The following RELA variants were observed in gnomAD, a reference collection of about 807,000 sequenced individuals.
RELA encodes transcription factor p65.
Under a neutral mutation model 56.7 loss-of-function variants are expected in RELA, and 14 were observed. That is an observed-to-expected ratio of 0.25 (90% CI 0.16 to 0.39). RELA has a LOEUF of 0.39. RELA is among the 10% of genes least tolerant of loss of function. The pLI, the probability that RELA is intolerant of heterozygous loss-of-function variation, is 1.00. For synonymous variants in RELA, 315 were observed against 289.7 expected (o/e 1.09, Z -0.89); for missense variants, 559 against 736.4 (o/e 0.76, Z 2.79).
chr11:65,661,179 C>T (rs1428902834), intron 4 of RELA, among the ~76,000 whole-genome samples: 1 of 152,166 alleles, frequency 6.6e-6, no homozygotes, highest in Non-Finnish European at 1.5e-5. Context: ...AGGCGCATGC[C>T]ACCATACCCA....
intron 10 of RELA, 126 bp downstream of exon 10, chr11:65,655,562 G>A (rs771369177): frequency 1.1e-6 from 1 of 929,822 alleles, no homozygotes; most frequent in South Asian, 1.4e-5. Context: ...GCTGGTTCCT[G>A]CGCCATCCTT....
rs1235283948 is a variant in RELA at position 65,654,968 on chromosome 11, T to C, written c.1066A>G (p.Ser356Gly). The change falls in exon 11 of 11, where the codon AGC becomes GGC. Residue 356 changes from serine (S) to glycine (G), a missense_variant. Transcript: ENST00000406246. ...GGAAACTCATCATAGTTGATGGTGC[T>C]CAGGGATGACGTAAAGGGATAGGGC... Reference protein sequence around the residue: ...PQPYPFTSSLSTINYDEFPTM... With the variant: ...PQPYPFTSSLGTINYDEFPTM... The C allele has an allele frequency of 1.2e-6, 2 of 1,604,598 alleles. No individual in the cohort carries two copies. The highest frequency in any genetic ancestry group is 1.7e-6 in the Non-Finnish European group (2 of 1,176,284).
At position 65,654,377 on chromosome 11, in the gene RELA, C is replaced by A; in HGVS notation, c.*1G>T. On this transcript the variant is annotated 3_prime_UTR_variant, in exon 11 of 11. Transcript: ENST00000406246. ...CTCTGGGGAGGGCAGGCGTCACCCC[C>A]TTAGGAGCTGATCTGACTCAGCAGG... 1 of 1,613,662 alleles carries A rather than the reference C, an allele frequency of 6.2e-7. No homozygotes were observed. The highest frequency in any genetic ancestry group is 8.5e-7 in the Non-Finnish European group (1 of 1,179,866).
chr11:65,654,365 AGGC>A lies in RELA; in HGVS notation c.*10_*12del, dbSNP rs760780648. The A allele has an allele frequency of 5.6e-6, 9 of 1,613,702 alleles. No homozygotes were observed. In the African/African-American group the frequency reaches 1.2e-4, roughly 22 times the overall value. Reference sequence around the variant, plus strand: ...TGCAACCCAGTGCTCTGGGGAGGGCAGGCGTCACCCCCTTAGGAGCTGATCTGA... The same window carrying A: ...TGCAACCCAGTGCTCTGGGGAGGGCAGTCACCCCCTTAGGAGCTGATCTGA... On this transcript the variant is annotated 3_prime_UTR_variant, in exon 11 of 11. Coordinates refer to ENST00000406246, the MANE Select transcript of RELA (RefSeq NM_021975.4).
chr11:65,658,419 C>T lies in RELA; in HGVS notation c.745G>A (p.Ala249Thr). ...TAGGGAGGGGTCCGGAACACAATGG[C>T]CACTTGTCGGTGCACATCAGCTTGC... ...FSQADVHRQVAIVFRTPPYAD... is the reference protein window; with the variant it reads ...FSQADVHRQVTIVFRTPPYAD... The change falls in exon 8 of 11, where the codon GCC becomes ACC. Residue 249 changes from alanine to threonine, a missense_variant. Transcript: ENST00000406246. This position sits in a 1 kb window ranked among gnomAD's most constrained non-coding sequence, Gnocchi z 4.5. 1 of 1,613,914 alleles carries T rather than the reference C, an allele frequency of 6.2e-7. No individual in the cohort carries two copies. The highest frequency in any genetic ancestry group is 8.5e-7 in the Non-Finnish European group (1 of 1,179,884).
Position 65,654,227 on chromosome 11 carries a change from A to G in RELA, c.*151T>C. ...AAGAGAGAGAGATACAGATACTGAC[A>G]ATAAAAGAATAAAATATGGCTCCCC... On this transcript the variant is annotated 3_prime_UTR_variant, in exon 11 of 11. Coordinates refer to ENST00000406246, the MANE Select transcript of RELA (RefSeq NM_021975.4). 3.3e-6 allele frequency: 3 copies of G among 914,502 alleles called. No individual in the cohort carries two copies. The highest frequency in any genetic ancestry group is 1.4e-5 in the South Asian group (1 of 71,250). 56.6% of individuals were successfully genotyped at this position (914,502 alleles called of 1,614,324 possible).
At chr11:65,655,146 C>T (rs1856390618) in intron 10 of RELA, 146 bp from the exon 11 acceptor site, 1 of 683,546 alleles carries the variant, frequency 1.5e-6, no homozygotes, top group South Asian at 1.8e-5. Context: ...TCCTCTTACC[C>T]CATCTGACCC....
intron 6 of RELA, 61 bp downstream of exon 6, chr11:65,659,605 A>G (rs1273717639): frequency 8.1e-6 from 13 of 1,603,776 alleles, no homozygotes; most frequent in Non-Finnish European, 1.1e-5. Context: ...CACTCACCCC[A>G]ACCCCCTTCC....
chr11:65,660,515 G>T, intron 4 of RELA: 1 of 421,828 alleles, frequency 2.4e-6, no homozygotes, highest in Non-Finnish European at 4.3e-6. Flanking sequence ...CACTTGTTTG[G>T]TCGGCTTGGA....
chr11:65,654,255 T>A lies in RELA; in HGVS notation c.*123A>T. 3.3e-6 allele frequency: 4 copies of A among 1,214,984 alleles called. No homozygotes were observed. The South Asian group carries it at 3.8e-5, about 11-fold the overall frequency. The allele number at this position is 1,214,984 out of a possible 1,614,324, so 75.3% of individuals were successfully genotyped here. A position where few individuals can be genotyped will look rare whatever the true frequency, so the allele number is the denominator to read the frequency against. ...AAAAGAATAAAATATGGCTCCCCCC[T>A]CCAAGGAAGACATCCACAAAGTTGG... On this transcript the variant is annotated 3_prime_UTR_variant, in exon 11 of 11. Transcript: ENST00000406246.
intron 1 of RELA, 199 bp from the exon 2 acceptor site, chr11:65,662,404 A>C (rs1469808524): frequency 1.7e-6 from 1 of 596,942 alleles, no homozygotes; most frequent in African/African-American, 1.9e-5. Context: ...AAACGGGGTA[A>C]GGAATCCTTC....
Position 65,655,765 on chromosome 11 carries a change from G to A in RELA, c.959-3C>T, listed in dbSNP as rs12721571. 1.3e-4 allele frequency: 206 copies of A among 1,613,846 alleles called. 1 individual carries two copies. Among genetic ancestry groups the A allele is most frequent in the Middle Eastern group, 1.2e-3 (7 of 6,084 alleles). ...TGGAGGCCGGGGGTCGGTGGGTCCT[G>A]TAGGGCAAGGGCTAGGTCAGTTCTC... On this transcript the variant is annotated splice_polypyrimidine_tract_variant and splice_region_variant and intron_variant, in intron 9 of 10. Transcript: ENST00000406246.
Position 65,660,166 on chromosome 11 carries a change from C to G in RELA, c.385G>C (p.Ala129Pro). 6.2e-7 allele frequency: 1 copy of G among 1,614,132 alleles called. No individual in the cohort carries two copies. Among genetic ancestry groups the G allele is most frequent in the Non-Finnish European group, 8.5e-7 (1 of 1,180,026 alleles). Residue 129 changes from alanine to proline, a missense_variant, in exon 5 of 11, where the codon GCT (alanine) becomes CCT (proline). Coordinates refer to ENST00000406246, the MANE Select transcript of RELA (RefSeq NM_021975.4). The part of the protein sequence containing the change: ...QCVKKRDLEQ[A>P]ISQRIQTNNN... ...TTGGTCTGGATGCGCTGACTGATAG[C>G]CTGCTCCAGGTCCCGCTTCTTCACA...
upstream of RELA, chr11:65,663,058 GGTCGGGGCCAA>G: frequency 3.7e-6 from 1 of 270,566 alleles, no homozygotes; most frequent in Non-Finnish European, 6.8e-6. Context: ...CGCTGCCGGG[GGTCGGGGCCAA>G]GTGCGCGCCT....
At chr11:65,659,386 T>C (rs559524761) in intron 6 of RELA, among the ~76,000 whole-genome samples, 2 of 152,316 alleles carry the variant, frequency 1.3e-5, no homozygotes, top group Admixed American at 1.3e-4. Context: ...ATCGCAGTTG[T>C]GGGCACACCA....
In RELA at chr11:65,654,690, T is replaced by A. The variant is rs1856372400; in HGVS notation, c.1344A>T (p.Glu448Asp). The A allele has an allele frequency of 6.5e-7, 1 of 1,545,638 alleles. No homozygotes were observed. ...TGTTGCCAAGCAAGGCCCCCAGGTCTTCATCATCAAACTGCAGCTGCAGCA... is the reference window on the plus strand; with the variant it reads ...TGTTGCCAAGCAAGGCCCCCAGGTCATCATCATCAAACTGCAGCTGCAGCA... ...EALLQLQFDD[E>D]DLGALLGNST... The change falls in exon 11 of 11, where the codon GAA becomes GAT. Residue 448 changes from glutamate to aspartate, a missense_variant. Around this residue, in one of 4 missense-constraint regions of RELA, gnomAD observed 365 missense variants for 387.5 expected, o/e 0.94. Coordinates refer to ENST00000406246, the MANE Select transcript of RELA (RefSeq NM_021975.4).
At chr11:65,660,256 G>T (rs372517252) in intron 4 of RELA, 41 bp from the exon 5 acceptor site, 11 of 1,589,860 alleles carry the variant, frequency 6.9e-6, no homozygotes, top group East Asian at 4.5e-5. Flanking sequence ...CTCTCACAGA[G>T]CCCAGACCTT....
rs1281587768 is a variant in RELA at position 65,658,159 on chromosome 11, C to T, written c.877+128G>A. The T allele has an allele frequency of 3.1e-6, 2 of 647,440 alleles. No individual in the cohort carries two copies. Among genetic ancestry groups the T allele is most frequent in the Non-Finnish European group, 5.3e-6 (2 of 377,800 alleles). 40.1% of individuals were successfully genotyped at this position (647,440 alleles called of 1,614,324 possible). ...ATTAAATGAGGCAAGAAATGGATTC[C>T]AGTTTCTTGGATCCCAAGCTCTGAC... On this transcript the variant is annotated intron_variant, in intron 8 of 10. Transcript: ENST00000406246. This position sits in a 1 kb window ranked among gnomAD's most constrained non-coding sequence, Gnocchi z 4.5.
At chr11:65,661,560 G>C in intron 4 of RELA, 127 bp downstream of exon 4, 2 of 825,332 alleles carry the variant, frequency 2.4e-6, no homozygotes, top group South Asian at 1.9e-5. Flanking sequence ...TTTACTTGCA[G>C]AGCTGAGTCA....
Sources: allele counts gnomAD v4.1 joint callset (sites outside exome capture counted in the v4.1 genomes callset), GRCh38; gene constraint gnomAD v4.1.1; regional missense constraint gnomAD v4.1.1; non-coding constraint Gnocchi (gnomAD v3.1); transcripts MANE v1.5; gene names NCBI Gene and HGNC (gene_info 2026-07-23, HGNC 2026-07-21).